The following FAM234B variants were observed in gnomAD, a reference collection of about 807,000 sequenced individuals.
The protein encoded by FAM234B is family with sequence similarity 234 member B, also known as protein FAM234B.
A neutral mutation model predicts 69.3 loss-of-function variants in FAM234B; 33 were observed. The ratio of observed to expected loss-of-function variants is 0.48; its 90% CI spans 0.36 to 0.64. FAM234B has a LOEUF of 0.64. Ranked by LOEUF, FAM234B falls within the 30% of genes least tolerant of loss-of-function variation. The probability of loss-of-function intolerance (pLI) is 0.00; values close to 1 mark genes in which losing one functional copy is unlikely to be tolerated. For missense variants in FAM234B, 697 were observed against 769.7 expected (o/e 0.91, Z 1.12); for synonymous variants, 306 against 306.9 (o/e 1.00, Z 0.03).
rs368592708 is a variant in FAM234B, at chr12:13,067,216, A to G, written c.1062A>G (p.Ser354=). The part of the protein sequence containing the change: ...IFVQAQNRDS[S]PPSLQIEEPE... ...TTCAGGCCCAAAATCGAGACAGCTC[A>G]CCACCTTCTCTGCAGATAGAAGAGC... The change falls in exon 7 of 13, where the codon TCA becomes TCG. Residue 354 remains serine, a synonymous_variant. Coordinates refer to ENST00000197268, the MANE Select transcript of FAM234B (RefSeq NM_020853.2). The surrounding 1 kb of genome is among the most constrained non-coding windows in gnomAD (Gnocchi z 4.7). The G allele has an allele frequency of 7.4e-6, 12 of 1,613,898 alleles. No individual in the cohort carries two copies. The highest frequency in any genetic ancestry group is 3.3e-5 in the South Asian group (3 of 91,082).
chr12:13,073,975 A>C (rs1233051999), intron 10 of FAM234B, among the ~76,000 whole-genome samples: 1 of 152,244 alleles, frequency 6.6e-6, no homozygotes, highest in East Asian at 1.9e-4. Context: ...TTCAGAAAGC[A>C]TCAATGATTT....
At chr12:13,077,105 G>A (rs959555267) in intron 11 of FAM234B, among the ~76,000 whole-genome samples, 8 of 152,266 alleles carry the variant, frequency 5.3e-5, no homozygotes, top group East Asian at 3.9e-4. Context: ...TGATTGGGGG[G>A]TGGGGGCAGG....
At position 13,067,223 on chromosome 12, in the gene FAM234B, T is replaced by G. The variant is rs1460961973; in HGVS notation, c.1069T>G (p.Ser357Ala). Residue 357 changes from serine (S) to alanine (A), a missense_variant, in exon 7 of 13, where the codon TCT becomes GCT. Physicochemically the swap from Ser to Ala is moderately conservative, Grantham distance 99. Transcript: ENST00000197268. The surrounding 1 kb of genome is among the most constrained non-coding windows in gnomAD (Gnocchi z 4.7). ...QAQNRDSSPP[S>A]LQIEEPEWEK... ...CCAAAATCGAGACAGCTCACCACCT[T>G]CTCTGCAGATAGAAGAGCCAGAATG... 6.2e-7 allele frequency: 1 copy of G among 1,613,980 alleles called. No individual in the cohort carries two copies. The highest frequency in any genetic ancestry group is 2.2e-5 in the East Asian group (1 of 44,884).
chr12:13,066,568 G>A, intron 5 of FAM234B, 72 bp from the exon 6 acceptor site: 1 of 1,492,976 alleles, frequency 6.7e-7, no homozygotes, highest in Non-Finnish European at 9.0e-7. Flanking sequence ...GGCAGTGACT[G>A]TCTGGAGAAG....
intron 10 of FAM234B, 29 bp downstream of exon 10, chr12:13,071,425 T>A (rs567162475): frequency 2.7e-5 from 44 of 1,607,340 alleles, no homozygotes; most frequent in African/African-American, 5.4e-5. Flanking sequence ...GTCCCTTTTT[T>A]ACTTTGTCAG....
At chr12:13,049,735 C>T (rs1188220053) in intron 1 of FAM234B, among the ~76,000 whole-genome samples, 1 of 152,152 alleles carries the variant, frequency 6.6e-6, no homozygotes, top group Non-Finnish European at 1.5e-5. Flanking sequence ...TTCTCAGACT[C>T]CATGGGGAAG....
intron 10 of FAM234B, among the ~76,000 whole-genome samples, chr12:13,072,688 C>G (rs1865119168): frequency 6.8e-6 from 1 of 146,646 alleles, no homozygotes; most frequent in African/African-American, 2.5e-5. Context: ...CGAGATCATG[C>G]AATTGCACTC....
intron 11 of FAM234B, among the ~76,000 whole-genome samples, chr12:13,077,274 TTTA>T (rs1323407916): frequency 3.9e-5 from 6 of 152,064 alleles, no homozygotes; most frequent in Non-Finnish European, 5.9e-5. Context: ...TTTTTTAAAT[TTTA>T]TTATTATTAT....
At chr12:13,057,983 T>C (rs59857999) in intron 2 of FAM234B, among the ~76,000 whole-genome samples, 36,252 of 152,160 alleles carry the variant, frequency 0.24, 5,272 homozygotes, top group East Asian at 0.53. Flanking sequence ...GGAGCTGGGC[T>C]GATAATTTTA....
At chr12:13,078,432 C>T (rs1186810292) in intron 11 of FAM234B, among the ~76,000 whole-genome samples, 4 of 152,106 alleles carry the variant, frequency 2.6e-5, no homozygotes, top group Non-Finnish European at 4.4e-5. Flanking sequence ...AGCCAATATC[C>T]TACTGAATGG....
rs1226280472 is a variant in FAM234B, at chr12:13,083,400, A to G, written c.*2770A>G. ...AGCTGGTATATTGTCAGGAAGCACT[A>G]TTTAAAATGTGAACTGTTATAGAGT... On this transcript the variant is annotated 3_prime_UTR_variant, in exon 13 of 13. Transcript: ENST00000197268. 6.6e-6 allele frequency: 1 copy of G among 152,550 alleles called. No individual in the cohort carries two copies. Among genetic ancestry groups the G allele is most frequent in the Non-Finnish European group, 1.5e-5 (1 of 68,024 alleles). The allele number at this position is 152,550 out of a possible 1,614,324, so 9.4% of individuals were successfully genotyped here. A position where few individuals can be genotyped will look rare whatever the true frequency, so the allele number is the denominator to read the frequency against.
intron 3 of FAM234B, among the ~76,000 whole-genome samples, chr12:13,059,750 G>A (rs148475495): frequency 6.6e-6 from 1 of 152,122 alleles, no homozygotes; most frequent in South Asian, 2.1e-4. Context: ...GAGATCTGCT[G>A]TAGAGAGCAT....
intron 1 of FAM234B, among the ~76,000 whole-genome samples, chr12:13,049,737 A>G (rs951036833): frequency 2.0e-5 from 3 of 152,208 alleles, no homozygotes; most frequent in African/African-American, 2.4e-5. Flanking sequence ...CTCAGACTCC[A>G]TGGGGAAGTA....
rs374276206 is a variant in FAM234B at position 13,065,399 on chromosome 12, T to C, written c.853-1241T>C. On this transcript the variant is annotated intron_variant, in intron 5 of 12. Coordinates refer to ENST00000197268, the MANE Select transcript of FAM234B (RefSeq NM_020853.2). Reference sequence around the variant, plus strand: ...AATCTCTTTTAAAATGTGGTACTTATATCTAAAAACAGCATTTTATTTGTA... The same window carrying C: ...AATCTCTTTTAAAATGTGGTACTTACATCTAAAAACAGCATTTTATTTGTA... Among the ~76,000 whole-genome samples the C allele has an allele frequency of 1.2e-3, 189 of 152,354 alleles. 5 individuals are homozygous for C. The South Asian group carries it at 0.038, about 31-fold the overall frequency.
intron 10 of FAM234B, among the ~76,000 whole-genome samples, chr12:13,073,233 T>G (rs1344592486): frequency 6.6e-6 from 1 of 151,956 alleles, no homozygotes; most frequent in Admixed American, 6.6e-5. Flanking sequence ...GGGCTCAAGC[T>G]GTCATCCTGC....
intron 5 of FAM234B, among the ~76,000 whole-genome samples, chr12:13,064,401 C>T (rs983203639): frequency 6.6e-6 from 1 of 152,174 alleles, no homozygotes; most frequent in Non-Finnish European, 1.5e-5. Context: ...AGCCATTGAA[C>T]AAGTTTTTAA....
rs1865051983 is a variant in FAM234B, at chr12:13,067,358, T to C, written c.1142+62T>C. 6.3e-7 allele frequency: 1 copy of C among 1,586,624 alleles called. No homozygotes were observed. The highest frequency in any genetic ancestry group is 1.3e-5 in the African/African-American group (1 of 74,316). ...TCTTGTGAACTCACATGCCTTTGAG[T>C]CTCTAAGTTTGGTTGGGCTGGTGAA... is the stretch of plus-strand genomic sequence containing the variant. On this transcript the variant is annotated intron_variant, in intron 7 of 12. Coordinates refer to ENST00000197268, the MANE Select transcript of FAM234B (RefSeq NM_020853.2). The surrounding 1 kb of genome is among the most constrained non-coding windows in gnomAD (Gnocchi z 4.7).
At chr12:13,074,251 G>A (rs1034776859) in intron 10 of FAM234B, among the ~76,000 whole-genome samples, 9 of 152,164 alleles carry the variant, frequency 5.9e-5, no homozygotes, top group South Asian at 2.1e-4. Flanking sequence ...ATAATAAAAT[G>A]AGGGTATTGG....
intron 11 of FAM234B, among the ~76,000 whole-genome samples, chr12:13,076,892 G>A (rs1452589600): frequency 6.6e-6 from 1 of 152,246 alleles, no homozygotes; most frequent in Admixed American, 6.5e-5. Context: ...CCTGTTGGGA[G>A]GTCAGGGAGT....
Sources: allele counts gnomAD v4.1 joint callset (sites outside exome capture counted in the v4.1 genomes callset), GRCh38; gene constraint gnomAD v4.1.1; non-coding constraint Gnocchi (gnomAD v3.1); transcripts MANE v1.5; gene names NCBI Gene and HGNC (gene_info 2026-07-23, HGNC 2026-07-21).